The following SDHAF3 variants were observed in gnomAD, a reference collection of about 807,000 sequenced individuals.
SDHAF3 encodes succinate dehydrogenase complex assembly factor 3.
Under a neutral mutation model 11.5 loss-of-function variants are expected in SDHAF3, and 18 were observed. The ratio of observed to expected loss-of-function variants is 1.56; its 90% CI spans 1.08 to 2.32. SDHAF3 has a LOEUF of 2.32. Among genes scored for constraint, SDHAF3 ranks in the 30% most tolerant of loss-of-function variants. The pLI is 0.00. For missense variants in SDHAF3, 200 were observed against 154.4 expected, an observed-to-expected ratio of 1.30 and a Z score of -1.57; for synonymous variants, 72 against 59.3, an observed-to-expected ratio of 1.21 and a Z score of -0.99.
chr7:97,130,054 G>C (rs7803945), intron 1 of SDHAF3, among the ~76,000 whole-genome samples: 53,748 of 151,956 alleles, frequency 0.35, 9,600 homozygotes, highest in East Asian at 0.49. Flanking sequence ...TTGGAGATGC[G>C]AGGAACTGTG....
chr7:97,177,187 A>C (rs1398045332), intron 1 of SDHAF3, among the ~76,000 whole-genome samples: 1 of 152,060 alleles, frequency 6.6e-6, no homozygotes, highest in Admixed American at 6.6e-5. Flanking sequence ...AATATTCATT[A>C]AAATTCATAA....
At chr7:97,139,624 A>T (rs1788999942) in intron 1 of SDHAF3, among the ~76,000 whole-genome samples, 1 of 152,206 alleles carries the variant, frequency 6.6e-6, no homozygotes, top group Non-Finnish European at 1.5e-5. Flanking sequence ...TTTGAAATTG[A>T]GGTTTCACTG....
rs754828359 is a variant in SDHAF3 at position 97,117,855 on chromosome 7, C to T, written c.132C>T (p.Thr44=). 1.2e-6 allele frequency: 2 copies of T among 1,614,170 alleles called. No homozygotes were observed. Among genetic ancestry groups the T allele is most frequent in the South Asian group, 1.1e-5 (1 of 91,078 alleles). The change falls in exon 1 of 2, where the codon ACC becomes ACT. Residue 44 remains threonine (T), a synonymous_variant. Coordinates refer to ENST00000432641, the MANE Select transcript of SDHAF3 (RefSeq NM_020186.3). ...YVKDEFRRHK[T]VGSDEAQRFL... ...AAGACGAATTTAGGAGACATAAGAC[C>T]GTTGGTTCTGACGAGGCACAGCGTT...
At chr7:97,134,291 A>G (rs1791714178) in intron 1 of SDHAF3, among the ~76,000 whole-genome samples, 1 of 152,206 alleles carries the variant, frequency 6.6e-6, no homozygotes, top group Non-Finnish European at 1.5e-5. Context: ...ATGGGCCTCA[A>G]GAGTTTGTGA....
At chr7:97,140,387 C>G (rs1789011625) in intron 1 of SDHAF3, among the ~76,000 whole-genome samples, 2 of 140,920 alleles carry the variant, frequency 1.4e-5, no homozygotes, top group Non-Finnish European at 3.0e-5. Flanking sequence ...GCTCTGTCAC[C>G]CAGGCTAGAG....
At chr7:97,161,338 C>CTA (rs1789406101) in intron 1 of SDHAF3, among the ~76,000 whole-genome samples, 1 of 152,132 alleles carries the variant, frequency 6.6e-6, no homozygotes, top group African/African-American at 2.4e-5. Context: ...CAGCAAGCAT[C>CTA]TATATAGTCT....
At chr7:97,120,057 G>A (rs1294724121) in intron 1 of SDHAF3, among the ~76,000 whole-genome samples, 3 of 152,026 alleles carry the variant, frequency 2.0e-5, no homozygotes, top group African/African-American at 7.2e-5. Context: ...TTGGGGGTAG[G>A]TACTCTCAGG....
At chr7:97,159,267 G>A (rs1320983750) in intron 1 of SDHAF3, among the ~76,000 whole-genome samples, 1 of 152,208 alleles carries the variant, frequency 6.6e-6, no homozygotes, top group Non-Finnish European at 1.5e-5. Flanking sequence ...CCTCTAAGCA[G>A]TGATGCTAGA....
In SDHAF3 at chr7:97,117,722, C is replaced by T. The variant is rs773231594; in HGVS notation, c.-2C>T. The T allele has an allele frequency of 3.7e-5, 59 of 1,611,056 alleles. No homozygotes were observed. The South Asian group carries it at 5.9e-4, about 16-fold the overall frequency. On this transcript the variant is annotated 5_prime_UTR_variant, in exon 1 of 2. Coordinates refer to ENST00000432641, the MANE Select transcript of SDHAF3 (RefSeq NM_020186.3). ...CGCAGTCGGCGGTCGGCGTGGGGCG[C>T]TATGCCGGGGCGGCACGTTTCTCGA...
intron 1 of SDHAF3, among the ~76,000 whole-genome samples, chr7:97,140,180 G>A (rs1340458957): frequency 6.6e-6 from 1 of 151,984 alleles, no homozygotes; most frequent in African/African-American, 2.4e-5. Flanking sequence ...CTGTTCATTT[G>A]GCTTAATGTT....
chr7:97,158,922 G>A (rs1260077726), intron 1 of SDHAF3, among the ~76,000 whole-genome samples: 2 of 152,148 alleles, frequency 1.3e-5, no homozygotes, highest in East Asian at 3.8e-4. Flanking sequence ...ATTGAAAAAT[G>A]TATACACGTG....
chr7:97,149,745 G>T (rs185295051), intron 1 of SDHAF3, among the ~76,000 whole-genome samples: 1 of 152,176 alleles, frequency 6.6e-6, no homozygotes, highest in Admixed American at 6.5e-5. Flanking sequence ...AATGATGAGG[G>T]GGGTAGTTGC....
intron 1 of SDHAF3, among the ~76,000 whole-genome samples, chr7:97,177,838 T>G (rs1038854070): frequency 4.6e-5 from 7 of 152,212 alleles, no homozygotes; most frequent in African/African-American, 1.7e-4. Context: ...GTATTTTCTT[T>G]TACATACTTA....
At chr7:97,133,880 G>T (rs943884625) in intron 1 of SDHAF3, among the ~76,000 whole-genome samples, 3 of 152,112 alleles carry the variant, frequency 2.0e-5, no homozygotes, top group East Asian at 1.9e-4. Flanking sequence ...TTATAGTATG[G>T]TTTATTTTCC....
chr7:97,173,542 T>G (rs1052746413), intron 1 of SDHAF3, among the ~76,000 whole-genome samples: 11 of 120,946 alleles, frequency 9.1e-5, no homozygotes, highest in Non-Finnish European at 1.8e-4. Flanking sequence ...CCTCCAAAAT[T>G]AGAATTTTTT....
intron 1 of SDHAF3, among the ~76,000 whole-genome samples, chr7:97,179,479 T>G (rs80296119): frequency 1.4e-5 from 2 of 147,500 alleles, no homozygotes; most frequent in African/African-American, 2.5e-5. Context: ...TTTCCATTTT[T>G]TTTTTTTTTT....
chr7:97,168,088 T>A (rs1022933317), intron 1 of SDHAF3, among the ~76,000 whole-genome samples: 11 of 152,188 alleles, frequency 7.2e-5, no homozygotes, highest in Non-Finnish European at 1.2e-4. Context: ...AGCCCTGGTA[T>A]TCAGTCTGTG....
rs188568787 is a variant in SDHAF3, at chr7:97,163,121, A to T, written c.175-17891A>T. On this transcript the variant is annotated intron_variant, in intron 1 of 1. Coordinates refer to ENST00000432641, the MANE Select transcript of SDHAF3 (RefSeq NM_020186.3). Reference sequence around the variant, plus strand: ...TTGCTGCATTGATCCCTTTACCATTATGTAATGCCCTTCTTTGTCTCTTTT... The same window carrying T: ...TTGCTGCATTGATCCCTTTACCATTTTGTAATGCCCTTCTTTGTCTCTTTT... Among the ~76,000 whole-genome samples the T allele has an allele frequency of 1.1e-4, 16 of 139,796 alleles. No homozygotes were observed. In the East Asian group the frequency reaches 3.1e-3, roughly 27 times the overall value. 91.7% of individuals were successfully genotyped at this position (139,796 alleles called of 152,430 possible). A position where few individuals can be genotyped will look rare whatever the true frequency, so the allele number is the denominator to read the frequency against.
At chr7:97,139,883 G>A (rs1336465914) in intron 1 of SDHAF3, among the ~76,000 whole-genome samples, 1 of 152,018 alleles carries the variant, frequency 6.6e-6, no homozygotes, top group African/African-American at 2.4e-5. Context: ...CATTCCAATT[G>A]TCAGTACCTC....
Sources: allele counts gnomAD v4.1 joint callset (sites outside exome capture counted in the v4.1 genomes callset), GRCh38; gene constraint gnomAD v4.1.1; transcripts MANE v1.5; gene names NCBI Gene and HGNC (gene_info 2026-07-23, HGNC 2026-07-21).